Variants in QTMAN observed in about 807,000 individuals in gnomAD.
QTMAN encodes the protein tRNA-queuosine alpha-mannosyltransferase.
chr2:144,107,116 G>C, the QTMAN span, among the ~76,000 whole-genome samples: 4 of 152,162 alleles, frequency 2.6e-5, no homozygotes, highest in Non-Finnish European at 5.9e-5. Flanking sequence ...AGTGTGTAAA[G>C]GGAAACTTAT....
At chr2:143,961,406 G>T in the QTMAN span, among the ~76,000 whole-genome samples, 1 of 152,070 alleles carries the variant, frequency 6.6e-6, no homozygotes, top group African/African-American at 2.4e-5. Flanking sequence ...TACATCCTAA[G>T]AGCTCCCATC....
At chr2:144,248,256 A>T in the QTMAN span, among the ~76,000 whole-genome samples, 12 of 152,252 alleles carry the variant, frequency 7.9e-5, no homozygotes, top group African/African-American at 2.9e-4. Flanking sequence ...TATTTAGTGG[A>T]CATGGAGAAA....
the QTMAN span, among the ~76,000 whole-genome samples, chr2:144,236,288 T>C: frequency 6.6e-6 from 1 of 152,076 alleles, no homozygotes; most frequent in Non-Finnish European, 1.5e-5. Context: ...GTAAATACCT[T>C]AAGAATACTA....
At chr2:143,978,737 A>T in the QTMAN span, among the ~76,000 whole-genome samples, 4 of 152,082 alleles carry the variant, frequency 2.6e-5, no homozygotes, top group Non-Finnish European at 5.9e-5. Context: ...CTATGGAACT[A>T]AACTTTCCTC....
chr2:144,150,012 A>G, the QTMAN span, among the ~76,000 whole-genome samples: 1 of 152,002 alleles, frequency 6.6e-6, no homozygotes, highest in Non-Finnish European at 1.5e-5. Context: ...GCCACTGCCC[A>G]TACATTTTAG....
chr2:144,238,848 G>A, the QTMAN span, among the ~76,000 whole-genome samples: 6 of 152,024 alleles, frequency 3.9e-5, no homozygotes, highest in Non-Finnish European at 7.4e-5. Context: ...AACCACTATT[G>A]CTAAGGCTGG....
the QTMAN span, among the ~76,000 whole-genome samples, chr2:144,196,528 T>C: frequency 6.6e-6 from 1 of 152,094 alleles, no homozygotes; most frequent in Non-Finnish European, 1.5e-5. Context: ...GTATGGGAAA[T>C]TTTCTTAGAA....
the QTMAN span, among the ~76,000 whole-genome samples, chr2:144,158,820 T>C: frequency 6.6e-6 from 1 of 152,038 alleles, no homozygotes; most frequent in Admixed American, 6.6e-5. Flanking sequence ...ATTACTGTAA[T>C]GATGATACAT....
the QTMAN span, among the ~76,000 whole-genome samples, chr2:144,233,623 T>C: frequency 6.6e-6 from 1 of 152,300 alleles, no homozygotes; most frequent in South Asian, 2.1e-4. Context: ...ATTTTTGTGC[T>C]AGACTCGCTC....
the QTMAN span, among the ~76,000 whole-genome samples, chr2:144,171,423 A>T: frequency 6.6e-6 from 1 of 152,346 alleles, no homozygotes; most frequent in South Asian, 2.1e-4. Context: ...CCTCCGTGAC[A>T]GTATTAAAAG....
At chr2:144,120,029 T>C in the QTMAN span, among the ~76,000 whole-genome samples, 12 of 152,170 alleles carry the variant, frequency 7.9e-5, no homozygotes, top group Non-Finnish European at 1.8e-4. Flanking sequence ...AGAGCAGAGA[T>C]AGTGAAGGGT....
chr2:144,081,197 A>C, the QTMAN span, among the ~76,000 whole-genome samples: 1 of 152,118 alleles, frequency 6.6e-6, no homozygotes, highest in Admixed American at 6.6e-5. Context: ...TCCATCTTTC[A>C]GGTGGGTACT....
the QTMAN span, among the ~76,000 whole-genome samples, chr2:144,248,334 T>G: frequency 6.6e-6 from 1 of 152,136 alleles, no homozygotes; most frequent in African/African-American, 2.4e-5. Flanking sequence ...GAAATATACA[T>G]GAAAATATGA....
chr2:144,161,464 CAT>C, the QTMAN span, among the ~76,000 whole-genome samples: 2 of 152,046 alleles, frequency 1.3e-5, no homozygotes, highest in Non-Finnish European at 2.9e-5. Context: ...GCCCAAATTT[CAT>C]ATCTTACCAG....
the QTMAN span, chr2:143,945,661 C>G: frequency 6.6e-6 from 1 of 152,210 alleles, no homozygotes. Context: ...CTTCCAGAAG[C>G]TAGAAAGCCT....
At chr2:144,046,757 A>G in the QTMAN span, among the ~76,000 whole-genome samples, 1 of 152,202 alleles carries the variant, frequency 6.6e-6, no homozygotes, top group South Asian at 2.1e-4. Flanking sequence ...GTCTCTTTAC[A>G]TTTCTAACAA....
the QTMAN span, among the ~76,000 whole-genome samples, chr2:144,003,132 A>G: frequency 1.3e-5 from 2 of 151,870 alleles, no homozygotes; most frequent in Admixed American, 6.6e-5. Flanking sequence ...CTTTTTCCTC[A>G]GTTTTAATTT....
the QTMAN span, among the ~76,000 whole-genome samples, chr2:144,308,151 T>C: frequency 1.2e-4 from 18 of 149,940 alleles, no homozygotes; most frequent in African/African-American, 4.4e-4. Flanking sequence ...CCCACACATA[T>C]ATGATTGGTT....
the QTMAN span, among the ~76,000 whole-genome samples, chr2:143,953,911 C>A: frequency 6.6e-6 from 1 of 151,714 alleles, no homozygotes; most frequent in East Asian, 1.9e-4. Flanking sequence ...TTTTAAGTGG[C>A]TGATGTTTTC....
Sources: gnomAD v4.1 joint callset for allele counts (sites outside exome capture counted in the v4.1 genomes callset) on GRCh38, gnomAD v4.1.1 for gene constraint, MANE v1.5 for transcripts, NCBI Gene and HGNC (gene_info 2026-07-23, HGNC 2026-07-21) for gene names.